Variants in ZZEF1 observed in about 807,000 individuals in gnomAD.
ZZEF1 encodes the protein zinc finger ZZ-type and EF-hand domain containing 1.
ZZEF1 carries 157 observed loss-of-function variants against 342.8 expected under a neutral mutation model. The observed-to-expected ratio is 0.46, with a 90% CI of 0.40 to 0.52. ZZEF1 has a LOEUF of 0.52. ZZEF1 is among the 20% of genes least tolerant of loss of function. ZZEF1 has a pLI of 0.00. For missense variants in ZZEF1, 3,480 were observed against 3,725.6 expected, an observed-to-expected ratio of 0.93 and a Z score of 1.72; for synonymous variants, 1,505 against 1,429.1, an observed-to-expected ratio of 1.05 and a Z score of -1.20.
At chr17:4,074,743 G>A (rs2145293507) in intron 23 of ZZEF1, among the ~76,000 whole-genome samples, 1 of 152,294 alleles carries the variant, frequency 6.6e-6, no homozygotes, top group Non-Finnish European at 1.5e-5. Context: ...GCAGACTCTT[G>A]GCTTCCATCA....
At position 4,054,031 on chromosome 17, in the gene ZZEF1, C is replaced by T. The variant is rs774547089; in HGVS notation, c.5434+26G>A. The T allele has an allele frequency of 1.8e-5, 29 of 1,587,222 alleles. No homozygotes were observed. In the East Asian group the frequency reaches 3.4e-4, roughly 19 times the overall value. ...TCAGAAGTGATATTGCCTTTGGATA[C>T]GGCGTACCCAGTTCATGAAATTTAC... On this transcript the variant is annotated intron_variant, in intron 34 of 54. Transcript: ENST00000381638.
In ZZEF1 at chr17:4,022,802, A is replaced by G. The variant is rs2056303225; in HGVS notation, c.7119T>C (p.Ala2373=). Residue 2373 remains alanine, a synonymous_variant, in exon 44 of 55, where the codon GCT becomes GCC. Coordinates refer to ENST00000381638, the MANE Select transcript of ZZEF1 (RefSeq NM_015113.4). ...LKAHGFEEIR[A]TFLQTDLLKL... Reference sequence around the variant, plus strand: ...TCAGCAAATCGGTCTGAAGGAAAGTAGCACGGATCTCCTCAAAACCGTGAG... The same window carrying G: ...TCAGCAAATCGGTCTGAAGGAAAGTGGCACGGATCTCCTCAAAACCGTGAG... 6.2e-7 allele frequency: 1 copy of G among 1,613,822 alleles called. No homozygotes were observed. The highest frequency in any genetic ancestry group is 1.1e-5 in the South Asian group (1 of 91,076).
chr17:4,021,169 G>T lies in ZZEF1; in HGVS notation c.7364C>A (p.Pro2455His). ...PGDPEQKKLDPLEGLDEPTRI... is the reference protein window; with the variant it reads ...PGDPEQKKLDHLEGLDEPTRI... ...GGTGGGCTCATCCAGGCCCTCAAGG[G>T]GGTCCAGCTTTTTCTGCTCTGGGTC... The change falls in exon 45 of 55, where the codon CCC (proline) becomes CAC (histidine). Residue 2455 changes from proline to histidine, a missense_variant. Physicochemically the swap from Pro to His is moderately conservative, Grantham distance 77. Around this residue, in one of 5 missense-constraint regions of ZZEF1, gnomAD observed 1,269 missense variants for 1,342.4 expected, o/e 0.95. Coordinates refer to ENST00000381638, the MANE Select transcript of ZZEF1 (RefSeq NM_015113.4). 6.2e-7 allele frequency: 1 copy of T among 1,614,002 alleles called. No individual in the cohort carries two copies. Among genetic ancestry groups the T allele is most frequent in the Non-Finnish European group, 8.5e-7 (1 of 1,179,960 alleles).
chr17:4,039,436 C>CTCCA (rs2056749741), intron 39 of ZZEF1, among the ~76,000 whole-genome samples: 1 of 151,924 alleles, frequency 6.6e-6, no homozygotes, highest in South Asian at 2.1e-4. Flanking sequence ...CACCACTGAA[C>CTCCA]TCCAGCCTGG....
In ZZEF1 at chr17:4,114,361, C is replaced by T. The variant is rs779827393; in HGVS notation, c.804G>A (p.Met268Ile). The change falls in exon 4 of 55, where the codon ATG becomes ATA. Residue 268 changes from methionine to isoleucine, a missense_variant. Around this residue, in one of 5 missense-constraint regions of ZZEF1, gnomAD observed 416 missense variants for 374.2 expected, o/e 1.11. Coordinates refer to ENST00000381638, the MANE Select transcript of ZZEF1 (RefSeq NM_015113.4). ...TSSNSADIDK[M>I]TNGETSSYWQ... ...AGTAGGATGAGGTTTCTCCATTTGTCATCTTGTCAATGTCTGCCGAGTTGG... is the reference window on the plus strand; with the variant it reads ...AGTAGGATGAGGTTTCTCCATTTGTTATCTTGTCAATGTCTGCCGAGTTGG... 1 of 1,612,364 alleles carries T rather than the reference C, an allele frequency of 6.2e-7. No homozygotes were observed. Among genetic ancestry groups the T allele is most frequent in the Non-Finnish European group, 8.5e-7 (1 of 1,179,262 alleles).
chr17:4,030,844 G>C (rs1363761994), intron 42 of ZZEF1, among the ~76,000 whole-genome samples: 1 of 152,198 alleles, frequency 6.6e-6, no homozygotes, highest in Non-Finnish European at 1.5e-5. Flanking sequence ...TTCTGAAAAA[G>C]AGCAAAGCTG....
At chr17:4,051,922 A>G in intron 35 of ZZEF1, 49 bp downstream of exon 35, 3 of 1,550,222 alleles carry the variant, frequency 1.9e-6, no homozygotes, top group Non-Finnish European at 2.6e-6. Context: ...TTTCAAGTGA[A>G]GGAACGTGTA....
chr17:4,070,156 T>C (rs975532057), intron 26 of ZZEF1, among the ~76,000 whole-genome samples: 6 of 152,222 alleles, frequency 3.9e-5, no homozygotes, highest in Admixed American at 3.3e-4. Flanking sequence ...AGTGGGGTGA[T>C]GCTACGAAGG....
intron 27 of ZZEF1, 75 bp from the exon 28 acceptor site, chr17:4,066,615 A>G: frequency 8.0e-7 from 1 of 1,256,868 alleles, no homozygotes; most frequent in Non-Finnish European, 1.2e-6. Context: ...AACTACTTCA[A>G]AAGCACACAG....
At chr17:4,033,128 A>T in intron 40 of ZZEF1, 126 bp from the exon 41 acceptor site, 4 of 892,084 alleles carry the variant, frequency 4.5e-6, no homozygotes, top group Non-Finnish European at 6.6e-6. Context: ...CTTAAAAACT[A>T]CCAGAATAAT....
At chr17:4,075,557 A>G (rs2145298427) in intron 21 of ZZEF1, 128 bp from the exon 22 acceptor site, 1 of 1,007,490 alleles carries the variant, frequency 9.9e-7, no homozygotes, top group East Asian at 2.5e-5. Context: ...ACCAGCAGGC[A>G]GGCTCGAAGA....
At chr17:4,107,308 CA>C (rs928767582) in intron 6 of ZZEF1, among the ~76,000 whole-genome samples, 1 of 151,786 alleles carries the variant, frequency 6.6e-6, no homozygotes, top group Admixed American at 6.6e-5. Flanking sequence ...GCCACATCTT[CA>C]AAAAAAATAT....
intron 33 of ZZEF1, among the ~76,000 whole-genome samples, chr17:4,055,095 C>G (rs181956520): frequency 2.6e-5 from 4 of 152,316 alleles, no homozygotes; most frequent in Admixed American, 6.5e-5. Context: ...AGTCTGGGTA[C>G]TGTCTAATGA....
At chr17:4,075,506 T>G in intron 21 of ZZEF1, 77 bp from the exon 22 acceptor site, 7 of 1,522,898 alleles carry the variant, frequency 4.6e-6, no homozygotes, top group Non-Finnish European at 6.2e-6. Flanking sequence ...ACTGTTTCTC[T>G]ATCAGTGCTC....
chr17:4,039,174 G>C (rs1049694792), intron 39 of ZZEF1, among the ~76,000 whole-genome samples: 4 of 151,974 alleles, frequency 2.6e-5, no homozygotes, highest in Admixed American at 2.6e-4. Context: ...GTAGATTCAA[G>C]GGGTCCATCC....
At chr17:4,009,898 T>C (rs1426475219) in intron 52 of ZZEF1, 141 bp from the exon 53 acceptor site, 4 of 966,728 alleles carry the variant, frequency 4.1e-6, no homozygotes, top group Non-Finnish European at 6.0e-6. Flanking sequence ...TCACCTATGC[T>C]CCCCACAAAG....
rs573875385 is a variant in ZZEF1, at chr17:4,011,697, T to C, written c.8579+1752A>G. The stretch of plus-strand genomic sequence containing the variant: ...TAATTATATAATATTGGATTTTGCT[T>C]TTTTTTAAAAAAAATTGCTTTTTCT... On this transcript the variant is annotated intron_variant, in intron 52 of 54. Transcript: ENST00000381638. 1.3e-5 allele frequency among the ~76,000 whole-genome samples: 2 copies of C among 152,168 alleles called. 1 individual carries two copies. The highest frequency in any genetic ancestry group is 4.8e-5 in the African/African-American group (2 of 41,510).
At chr17:4,066,372 G>A (rs1266197621) in intron 28 of ZZEF1, 75 bp downstream of exon 28, 3 of 1,253,288 alleles carry the variant, frequency 2.4e-6, no homozygotes, top group East Asian at 2.3e-5. Flanking sequence ...AATCTAGAAG[G>A]TGAGTAATTG....
chr17:4,061,813 C>T (rs2057292512), intron 30 of ZZEF1, among the ~76,000 whole-genome samples: 1 of 152,102 alleles, frequency 6.6e-6, no homozygotes, highest in South Asian at 2.1e-4. Flanking sequence ...TCCCCATCTC[C>T]AGTATTATTC....
Sources: allele counts gnomAD v4.1 joint callset (sites outside exome capture counted in the v4.1 genomes callset), GRCh38; gene constraint gnomAD v4.1.1; regional missense constraint gnomAD v4.1.1; transcripts MANE v1.5; gene names NCBI Gene and HGNC (gene_info 2026-07-23, HGNC 2026-07-21).